ZFHX3: variants seen among roughly 807,000 people sequenced by gnomAD.
ZFHX3 encodes the protein zinc finger homeobox protein 3.
In ZFHX3, 42 loss-of-function variants were observed where a neutral mutation model predicts 279.1. The observed-to-expected ratio is 0.15, with a 90% CI of 0.12 to 0.19. The LOEUF (loss-of-function observed/expected upper bound fraction) is 0.19, where lower values mean the gene tolerates loss of function less well. Ranked by LOEUF, ZFHX3 falls within the 10% of genes least tolerant of loss-of-function variation. The pLI, the probability that ZFHX3 is intolerant of heterozygous loss-of-function variation, is 1.00. For synonymous variants in ZFHX3, 2,293 were observed against 1,957.8 expected (o/e 1.17, Z -4.52); for missense variants, 4,981 against 4,754.0 (o/e 1.05, Z -1.40).
chr16:73,570,086 C>G (rs917045020), intron 2 of ZFHX3, among the ~76,000 whole-genome samples: 1 of 152,176 alleles, frequency 6.6e-6, no homozygotes, highest in African/African-American at 2.4e-5. Context: ...TTTACAGGAA[C>G]TGGACTTTAA....
chr16:73,458,478 C>T (rs2018414734), intron 2 of ZFHX3, among the ~76,000 whole-genome samples: 1 of 151,998 alleles, frequency 6.6e-6, no homozygotes, highest in African/African-American at 2.4e-5. Context: ...CGGGTTCAAG[C>T]AAATCTCATG....
intron 3 of ZFHX3, among the ~76,000 whole-genome samples, chr16:72,916,496 C>A (rs1261357912): frequency 6.6e-6 from 1 of 152,162 alleles, no homozygotes; most frequent in Non-Finnish European, 1.5e-5. Context: ...AGAAGTCATG[C>A]CTATCACCCA....
chr16:73,189,195 C>T (rs1967978196), intron 5 of ZFHX3, among the ~76,000 whole-genome samples: 1 of 152,148 alleles, frequency 6.6e-6, no homozygotes, highest in African/African-American at 2.4e-5. Flanking sequence ...AGTATGTTAT[C>T]CTGCTTAACA....
Position 72,787,029 on chromosome 16 carries a change from T to C in ZFHX3, c.*135A>G. 1 of 1,058,462 alleles carries C rather than the reference T, an allele frequency of 9.4e-7. No homozygotes were observed. Among genetic ancestry groups the C allele is most frequent in the Non-Finnish European group, 1.2e-6 (1 of 816,680 alleles). 65.6% of individuals were successfully genotyped at this position (1,058,462 alleles called of 1,614,324 possible). A position where few individuals can be genotyped will look rare whatever the true frequency, so the allele number is the denominator to read the frequency against. ...ATATGGGAAAACAACCCACGCTTTTTCTTTTTTTTCTTTTTTTTTTTTTTT... is the reference window on the plus strand; with the variant it reads ...ATATGGGAAAACAACCCACGCTTTTCCTTTTTTTTCTTTTTTTTTTTTTTT... On this transcript the variant is annotated 3_prime_UTR_variant, in exon 10 of 10. Transcript: ENST00000268489.
At chr16:73,798,114 G>C (rs1960047009) in intron 1 of ZFHX3, among the ~76,000 whole-genome samples, 1 of 151,974 alleles carries the variant, frequency 6.6e-6, no homozygotes, top group Non-Finnish European at 1.5e-5. Context: ...CGGTCCTTCT[G>C]AGACTTTCAG....
intron 3 of ZFHX3, among the ~76,000 whole-genome samples, chr16:73,328,398 C>T (rs769795400): frequency 6.6e-6 from 1 of 152,212 alleles, no homozygotes; most frequent in Non-Finnish European, 1.5e-5. Context: ...TTGCATTCCA[C>T]AAGACACTAG....
chr16:73,017,919 T>G (rs7204419), intron 1 of ZFHX3, among the ~76,000 whole-genome samples: 31,168 of 151,978 alleles, frequency 0.21, 3,438 homozygotes, highest in Admixed American at 0.32. Flanking sequence ...CTTCAGAAAA[T>G]GATTTCCTCC....
intron 1 of ZFHX3, among the ~76,000 whole-genome samples, chr16:73,890,528 C>T (rs1282621496): frequency 6.6e-6 from 1 of 152,198 alleles, no homozygotes; most frequent in African/African-American, 2.4e-5. Context: ...CCCAACCGAT[C>T]TAGTGAAAGA....
chr16:73,162,377 C>T (rs1446744798), intron 5 of ZFHX3, among the ~76,000 whole-genome samples: 1 of 152,234 alleles, frequency 6.6e-6, no homozygotes, highest in Non-Finnish European at 1.5e-5. Context: ...CCATCACCCC[C>T]ACATGGGACT....
intron 1 of ZFHX3, among the ~76,000 whole-genome samples, chr16:73,858,401 G>A (rs1961795700): frequency 6.6e-6 from 1 of 152,182 alleles, no homozygotes; most frequent in Admixed American, 6.5e-5. Flanking sequence ...ATGACAAGAG[G>A]TGATTTCCAT....
chr16:73,465,643 C>T lies in ZFHX3; in HGVS notation c.-1546-9385G>A, dbSNP rs559490810. On this transcript the variant is annotated intron_variant, in intron 2 of 17. Coordinates refer to the ZFHX3 transcript ENST00000641206. Reference sequence around the variant, plus strand: ...AGTCCTGCACCCCAGGTGAGGAGCCCCTCTGCTGTTTCAGAACACATCATC... The same window carrying T: ...AGTCCTGCACCCCAGGTGAGGAGCCTCTCTGCTGTTTCAGAACACATCATC... Among the ~76,000 whole-genome samples, 3 of 152,270 alleles carry T rather than the reference C, an allele frequency of 2.0e-5. No individual in the cohort carries two copies. The South Asian group carries it at 6.2e-4, about 32-fold the overall frequency.
At chr16:73,682,578 G>A (rs1430551702) in intron 1 of ZFHX3, among the ~76,000 whole-genome samples, 1 of 151,936 alleles carries the variant, frequency 6.6e-6, no homozygotes, top group Non-Finnish European at 1.5e-5. Context: ...CTGAGGTCAA[G>A]AGTTTGAGAC....
intron 5 of ZFHX3, among the ~76,000 whole-genome samples, chr16:73,253,985 T>C (rs1170732520): frequency 6.6e-6 from 1 of 152,148 alleles, no homozygotes; most frequent in Non-Finnish European, 1.5e-5. Context: ...GATAAGCTGC[T>C]CTGGAAGCAG....
intron 1 of ZFHX3, among the ~76,000 whole-genome samples, chr16:73,738,585 T>G (rs905293353): frequency 6.6e-6 from 1 of 152,248 alleles, no homozygotes; most frequent in Non-Finnish European, 1.5e-5. Context: ...GGGTCTGCCC[T>G]TTCTTTCTCA....
intron 3 of ZFHX3, among the ~76,000 whole-genome samples, chr16:73,382,566 G>T (rs1597310287): frequency 6.6e-6 from 1 of 152,112 alleles, no homozygotes; most frequent in South Asian, 2.1e-4. Flanking sequence ...ATTGTGGGGG[G>T]GCAGGAGGTA....
At chr16:73,859,943 C>T (rs1961837213) in intron 1 of ZFHX3, among the ~76,000 whole-genome samples, 1 of 152,168 alleles carries the variant, frequency 6.6e-6, no homozygotes, top group South Asian at 2.1e-4. Context: ...GGCCTGTAGA[C>T]AAACACCAAG....
rs528351221 is a variant in ZFHX3 at position 72,904,367 on chromosome 16, A to T, written c.3217-14405T>A. The stretch of plus-strand genomic sequence containing the variant: ...TGGCAACAGAGTGAGATTCTGTCTC[A>T]AAATAAATAAATAAATAAATAAATA... On this transcript the variant is annotated intron_variant, in intron 3 of 9. Coordinates refer to ENST00000268489, the MANE Select transcript of ZFHX3 (RefSeq NM_006885.4). 1.9e-3 allele frequency among the ~76,000 whole-genome samples: 267 copies of T among 140,080 alleles called. 1 individual carries two copies. In the South Asian group the frequency reaches 0.021, roughly 11 times the overall value. The allele number at this position is 140,080 out of a possible 152,430, so 91.9% of individuals were successfully genotyped here.
chr16:73,317,788 G>A (rs2015487451), intron 4 of ZFHX3, among the ~76,000 whole-genome samples: 1 of 152,194 alleles, frequency 6.6e-6, no homozygotes. Flanking sequence ...TGTGATAAAT[G>A]AGAGGGATAA....
chr16:72,981,244 A>G (rs1199606094), intron 1 of ZFHX3, among the ~76,000 whole-genome samples: 1 of 152,200 alleles, frequency 6.6e-6, no homozygotes, highest in Non-Finnish European at 1.5e-5. Context: ...GAACACAGAA[A>G]AAGACAATAT....
Sources: gnomAD v4.1 joint callset for allele counts (sites outside exome capture counted in the v4.1 genomes callset) on GRCh38, gnomAD v4.1.1 for gene constraint, MANE v1.5 for transcripts, NCBI Gene and HGNC (gene_info 2026-07-23, HGNC 2026-07-21) for gene names.